Variants in NALF1 observed in about 807,000 individuals in gnomAD.
NALF1 encodes the protein family with sequence similarity 155 member A.
NALF1 carries 3 observed loss-of-function variants against 48.4 expected under a neutral mutation model. That is an observed-to-expected ratio of 0.06 (90% CI 0.03 to 0.16). The LOEUF is 0.16. NALF1 is among the 10% of genes least tolerant of loss of function. The pLI is 1.00. For synonymous variants in NALF1, 262 were observed against 245.7 expected, an observed-to-expected ratio of 1.07 and a Z score of -0.62; for missense variants, 526 against 571.5, an observed-to-expected ratio of 0.92 and a Z score of 0.81.
chr13:107,711,359 G>A (rs991516260), intron 1 of NALF1, among the ~76,000 whole-genome samples: 2 of 152,164 alleles, frequency 1.3e-5, no homozygotes, highest in Non-Finnish European at 2.9e-5. Flanking sequence ...TTTTTGAGAC[G>A]AAGTCTCGCC....
intron 1 of NALF1, among the ~76,000 whole-genome samples, chr13:107,639,995 TCATC>T (rs1396945185): frequency 2.6e-5 from 4 of 152,166 alleles, no homozygotes; most frequent in Admixed American, 6.6e-5. Context: ...TAATCAAACA[TCATC>T]CAGGCAAATG....
At chr13:107,768,517 T>A (rs960131323) in intron 1 of NALF1, among the ~76,000 whole-genome samples, 3 of 152,204 alleles carry the variant, frequency 2.0e-5, no homozygotes, top group Non-Finnish European at 4.4e-5. Flanking sequence ...TATTTTTTTC[T>A]ACTAAGTGAG....
In NALF1 at chr13:107,344,375, T is replaced by C. The variant is rs75187449; in HGVS notation, c.916-133620A>G. 7.5e-3 allele frequency among the ~76,000 whole-genome samples: 1,135 copies of C among 152,236 alleles called. 10 individuals carry two copies. The highest frequency in any genetic ancestry group is 0.024 in the African/African-American group (982 of 41,554). On this transcript the variant is annotated intron_variant, in intron 1 of 2. Coordinates refer to ENST00000375915, the MANE Select transcript of NALF1 (RefSeq NM_001080396.3). ...CTCTGATACAAAAGCCAGACAACGA[T>C]ACTAACAGAAAAGAAAATTACAGGA...
intron 1 of NALF1, among the ~76,000 whole-genome samples, chr13:107,752,887 CAGAA>C (rs1199041671): frequency 6.6e-6 from 1 of 152,144 alleles, no homozygotes. Flanking sequence ...GTATAAAAAA[CAGAA>C]AGGAATAGAA....
At chr13:107,594,301 G>T (rs1487147513) in intron 1 of NALF1, among the ~76,000 whole-genome samples, 3 of 151,936 alleles carry the variant, frequency 2.0e-5, no homozygotes, top group South Asian at 2.1e-4. Context: ...TGAAAATTAG[G>T]CACTCAACAA....
At chr13:107,254,783 T>G (rs1259821744) in intron 1 of NALF1, among the ~76,000 whole-genome samples, 1 of 152,180 alleles carries the variant, frequency 6.6e-6, no homozygotes, top group African/African-American at 2.4e-5. Flanking sequence ...GGAAATCATA[T>G]TTTTGTTGTA....
At chr13:107,656,981 C>T (rs1400098788) in intron 1 of NALF1, among the ~76,000 whole-genome samples, 1 of 151,710 alleles carries the variant, frequency 6.6e-6, no homozygotes. Flanking sequence ...AAGAATGATA[C>T]ATTGGACTTT....
At chr13:107,239,111 T>C (rs1308318956) in intron 1 of NALF1, among the ~76,000 whole-genome samples, 3 of 152,110 alleles carry the variant, frequency 2.0e-5, no homozygotes, top group Non-Finnish European at 4.4e-5. Flanking sequence ...TGATTGAATG[T>C]GAAAGATGAA....
At chr13:107,195,913 A>G (rs2138788979) in intron 2 of NALF1, among the ~76,000 whole-genome samples, 1 of 152,334 alleles carries the variant, frequency 6.6e-6, no homozygotes, top group East Asian at 1.9e-4. Context: ...GAAATCATCA[A>G]TGGTAGGCTA....
At chr13:107,447,169 C>G (rs768097181) in intron 1 of NALF1, among the ~76,000 whole-genome samples, 6 of 152,160 alleles carry the variant, frequency 3.9e-5, no homozygotes, top group Non-Finnish European at 8.8e-5. Context: ...TCCTCTTCTC[C>G]TTGGCCTCCT....
At chr13:107,319,860 T>A (rs1182501974) in intron 1 of NALF1, among the ~76,000 whole-genome samples, 1 of 152,074 alleles carries the variant, frequency 6.6e-6, no homozygotes, top group Non-Finnish European at 1.5e-5. Context: ...GATGCTTGGA[T>A]TCCAACTTAG....
intron 1 of NALF1, among the ~76,000 whole-genome samples, chr13:107,816,743 A>G (rs1879176263): frequency 6.6e-6 from 1 of 152,188 alleles, no homozygotes; most frequent in Non-Finnish European, 1.5e-5. Flanking sequence ...TGCGTATTGC[A>G]TTAAAAAAAA....
At chr13:107,199,942 C>A (rs2138792816) in intron 2 of NALF1, among the ~76,000 whole-genome samples, 1 of 152,260 alleles carries the variant, frequency 6.6e-6, no homozygotes, top group East Asian at 1.9e-4. Context: ...AGTGACACCT[C>A]CCACCACAGA....
intron 1 of NALF1, among the ~76,000 whole-genome samples, chr13:107,769,850 T>G (rs1475243501): frequency 6.6e-6 from 1 of 152,150 alleles, no homozygotes; most frequent in African/African-American, 2.4e-5. Flanking sequence ...CTTAGAGAAT[T>G]CCATCAATAT....
intron 1 of NALF1, among the ~76,000 whole-genome samples, chr13:107,431,402 C>A (rs1413604220): frequency 2.6e-5 from 4 of 152,154 alleles, no homozygotes. Flanking sequence ...CATGCGCATG[C>A]GTGCACACAC....
At chr13:107,777,977 C>T (rs1255176760) in intron 1 of NALF1, among the ~76,000 whole-genome samples, 1 of 152,176 alleles carries the variant, frequency 6.6e-6, no homozygotes, top group Non-Finnish European at 1.5e-5. Context: ...TACTTTCTAT[C>T]TTGTTCAAAT....
chr13:107,424,178 C>T (rs1048264151), intron 1 of NALF1, among the ~76,000 whole-genome samples: 7 of 152,152 alleles, frequency 4.6e-5, no homozygotes, highest in Non-Finnish European at 1.0e-4. Flanking sequence ...GCCTCTGTTG[C>T]CCAGGCTGAA....
At chr13:107,215,222 C>G (rs1033041222) in intron 1 of NALF1, among the ~76,000 whole-genome samples, 1 of 152,352 alleles carries the variant, frequency 6.6e-6, no homozygotes, top group East Asian at 1.9e-4. Flanking sequence ...GAAGGTATCA[C>G]TTGAGTATTA....
intron 1 of NALF1, among the ~76,000 whole-genome samples, chr13:107,363,659 A>C (rs991951038): frequency 2.0e-5 from 3 of 152,202 alleles, no homozygotes; most frequent in Non-Finnish European, 2.9e-5. Context: ...AGAGTATATG[A>C]TTTTAGTTTT....
Sources: gnomAD v4.1 joint callset for allele counts (sites outside exome capture counted in the v4.1 genomes callset) on GRCh38, gnomAD v4.1.1 for gene constraint, MANE v1.5 for transcripts, NCBI Gene and HGNC (gene_info 2026-07-23, HGNC 2026-07-21) for gene names.